The following LYST variants were observed in gnomAD, a reference collection of about 807,000 sequenced individuals.
LYST encodes the protein lysosomal trafficking regulator.
Under a neutral mutation model 413.6 loss-of-function variants are expected in LYST, and 192 were observed. That is an observed-to-expected ratio of 0.46 (90% CI 0.41 to 0.52). The LOEUF is 0.52. Among genes scored for constraint, LYST ranks in the 20% least tolerant of loss-of-function variants. The pLI, the probability that LYST is intolerant of heterozygous loss-of-function variation, is 0.00. For missense variants in LYST, 3,815 were observed against 4,499.9 expected, an observed-to-expected ratio of 0.85 and a Z score of 4.35; for synonymous variants, 1,525 against 1,567.3, an observed-to-expected ratio of 0.97 and a Z score of 0.64.
intron 50 of LYST, among the ~76,000 whole-genome samples, chr1:235,676,443 T>C (rs1337291745): frequency 6.6e-6 from 1 of 152,134 alleles, no homozygotes; most frequent in Non-Finnish European, 1.5e-5. Flanking sequence ...AAACAGGAGA[T>C]TCACAGCAAT....
chr1:235,806,787 A>C lies in LYST; in HGVS notation c.2364-15T>G, dbSNP rs752194808. 1 of 1,567,850 alleles carries C rather than the reference A, an allele frequency of 6.4e-7. No individual in the cohort carries two copies. The highest frequency in any genetic ancestry group is 1.4e-5 in the African/African-American group (1 of 73,910). ...CTCTTATTACCCTGTGAAAGAAAAA[A>C]AGCATGTAAAAAGGTTTAAATAAAG... On this transcript the variant is annotated splice_polypyrimidine_tract_variant and intron_variant, in intron 5 of 52. Transcript: ENST00000389793.
At chr1:235,851,041 A>G (rs2103098926) in intron 1 of LYST, among the ~76,000 whole-genome samples, 1 of 152,290 alleles carries the variant, frequency 6.6e-6, no homozygotes, top group East Asian at 1.9e-4. Flanking sequence ...ACTCAGAGAA[A>G]AAGAAGTCAT....
At chr1:235,845,474 G>A (rs1390956000) in intron 1 of LYST, among the ~76,000 whole-genome samples, 1 of 152,190 alleles carries the variant, frequency 6.6e-6, no homozygotes, top group African/African-American at 2.4e-5. Flanking sequence ...TGAACGCGGT[G>A]AGAAGCCTGC....
chr1:235,716,811 A>ATT (rs1465545785), intron 40 of LYST, 33 bp from the exon 41 acceptor site: 1 of 1,286,856 alleles, frequency 7.8e-7, no homozygotes, highest in African/African-American at 1.5e-5. Flanking sequence ...AAAATTAAAT[A>ATT]TTTTGATACT....
intron 30 of LYST, among the ~76,000 whole-genome samples, chr1:235,742,725 C>A (rs1665544874): frequency 6.6e-6 from 1 of 151,544 alleles, no homozygotes; most frequent in African/African-American, 2.4e-5. Context: ...ACTGATTTTG[C>A]AATAAAAAAG....
intron 22 of LYST, among the ~76,000 whole-genome samples, chr1:235,762,210 C>G (rs10754738): frequency 0.46 from 69,402 of 151,884 alleles, 17,599 homozygotes; most frequent in African/African-American, 0.67. Flanking sequence ...CAGAGTGATG[C>G]ATGTGATTGA....
chr1:235,835,723 T>C (rs1676501896), intron 1 of LYST, among the ~76,000 whole-genome samples: 1 of 152,210 alleles, frequency 6.6e-6, no homozygotes, highest in Admixed American at 6.5e-5. Context: ...TCTGGAAGTA[T>C]AGATACATTT....
intron 1 of LYST, among the ~76,000 whole-genome samples, chr1:235,844,686 C>T (rs1215029670): frequency 1.3e-5 from 2 of 151,554 alleles, no homozygotes; most frequent in African/African-American, 4.9e-5. Context: ...ATTTTTAAAC[C>T]TCTCTCTACA....
chr1:235,704,961 T>C (rs142617094), intron 44 of LYST, among the ~76,000 whole-genome samples: 156 of 152,370 alleles, frequency 1.0e-3, no homozygotes, highest in African/African-American at 3.6e-3. Context: ...CCCCATGTAT[T>C]AGTGAACGGT....
At chr1:235,882,695 AAC>A (rs1323175921) in intron 1 of LYST, among the ~76,000 whole-genome samples, 18 of 152,276 alleles carry the variant, frequency 1.2e-4, no homozygotes, top group African/African-American at 4.3e-4. Context: ...TCAGAAATAT[AAC>A]AGAGGCTGAA....
chr1:235,728,173 GCA>G (rs1664060985), intron 37 of LYST, 42 bp from the exon 38 acceptor site: 1 of 1,382,204 alleles, frequency 7.2e-7, no homozygotes, highest in Non-Finnish European at 1.0e-6. Flanking sequence ...AAATGTATGT[GCA>G]CACTACCATT....
chr1:235,863,628 T>C (rs1229735023), intron 1 of LYST, among the ~76,000 whole-genome samples: 1 of 151,856 alleles, frequency 6.6e-6, no homozygotes, highest in African/African-American at 2.4e-5. Context: ...ACTATGTGAG[T>C]GCAATCAAAC....
In LYST at chr1:235,787,261, G is replaced by C. The variant is rs758162960; in HGVS notation, c.4801C>G (p.Gln1601Glu). 5 of 1,613,638 alleles carry C rather than the reference G, an allele frequency of 3.1e-6. No homozygotes were observed. The South Asian group carries it at 3.3e-5, about 11-fold the overall frequency. ...KWQHLVLTYL[Q>E]QPQGKRRIHG... ...ATCCTCCTTTTCCCTTGGGGCTGCT[G>C]TAAGTAGGTGAGTACTAAATGTTGC... Residue 1601 changes from glutamine to glutamate, a missense_variant, in exon 14 of 53, where the codon CAG becomes GAG. Gln to Glu is a conservative substitution (Grantham distance 29). Around this residue, in one of 4 missense-constraint regions of LYST, gnomAD observed 530 missense variants for 696.5 expected, o/e 0.76. Transcript: ENST00000389793.
At chr1:235,816,904 C>CTTT (rs1451195385) in intron 3 of LYST, among the ~76,000 whole-genome samples, 1 of 152,138 alleles carries the variant, frequency 6.6e-6, no homozygotes, top group African/African-American at 2.4e-5. Flanking sequence ...AGCTTCTGCA[C>CTTT]AGCAAAGGAA....
chr1:235,864,987 AG>A (rs1680326377), intron 1 of LYST, among the ~76,000 whole-genome samples: 1 of 152,184 alleles, frequency 6.6e-6, no homozygotes, highest in Non-Finnish European at 1.5e-5. Flanking sequence ...CTTTCCACTG[AG>A]AGTAGAAACT....
rs535098105 is a variant in LYST, at chr1:235,723,969, A to G, written c.9315+59T>C. On this transcript the variant is annotated intron_variant, in intron 39 of 52. Transcript: ENST00000389793. ...ACCTTCATGTAATCAGTATGAGTAT[A>G]GTTACAGTGGCCCATGAGCACTTAA... 778 of 1,355,752 alleles carry G rather than the reference A, an allele frequency of 5.7e-4. 6 individuals are homozygous for G. The African/African-American group carries it at 0.01, about 18-fold the overall frequency. 84.0% of individuals were successfully genotyped at this position (1,355,752 alleles called of 1,614,324 possible).
rs71174459 is a variant in LYST at position 235,755,388 on chromosome 1, C to CAAAAGAAAAGAAAAG, written c.7229+75_7229+89dup. ...TGGGCAACAGGGCGAGACTCCGTCT[C>CAAAAGAAAAGAAAAG]AAAAGAAAAGAAAAGAAAAGAAAAG... On this transcript the variant is annotated intron_variant, in intron 25 of 52. Coordinates refer to ENST00000389793, the MANE Select transcript of LYST (RefSeq NM_000081.4). 1,765 of 867,348 alleles carry CAAAAGAAAAGAAAAG rather than the reference C, an allele frequency of 2.0e-3. 8 individuals carry two copies. Among genetic ancestry groups the CAAAAGAAAAGAAAAG allele is most frequent in the South Asian group, 6.2e-3 (429 of 69,334 alleles). The allele number at this position is 867,348 out of a possible 1,614,324, so 53.7% of individuals were successfully genotyped here. A position where few individuals can be genotyped will look rare whatever the true frequency, so the allele number is the denominator to read the frequency against.
chr1:235,792,184 C>A, intron 11 of LYST, 59 bp from the exon 12 acceptor site: 5 of 1,137,098 alleles, frequency 4.4e-6, no homozygotes, highest in Non-Finnish European at 6.5e-6. Flanking sequence ...ACATAATAAT[C>A]TTGAAATTTA....
intron 45 of LYST, among the ~76,000 whole-genome samples, chr1:235,699,329 C>T (rs1311679928): frequency 6.6e-6 from 1 of 152,106 alleles, no homozygotes; most frequent in Non-Finnish European, 1.5e-5. Context: ...TGAGTGAGAA[C>T]AAGCGGTGTC....
Sources: gnomAD v4.1 joint callset for allele counts (sites outside exome capture counted in the v4.1 genomes callset) on GRCh38, gnomAD v4.1.1 for gene constraint, gnomAD v4.1.1 regional missense constraint, MANE v1.5 for transcripts, NCBI Gene and HGNC (gene_info 2026-07-23, HGNC 2026-07-21) for gene names.